GNAZ: variants seen among roughly 807,000 people sequenced by gnomAD.
The protein encoded by GNAZ is guanine nucleotide-binding protein G(z) subunit alpha.
In GNAZ, 3 loss-of-function variants were observed where a neutral mutation model predicts 25.4. The observed-to-expected ratio is 0.12, with a 90% CI of 0.05 to 0.30. The LOEUF is 0.30. Ranked by LOEUF, GNAZ falls within the 10% of genes least tolerant of loss-of-function variation. The pLI, the probability that GNAZ is intolerant of heterozygous loss-of-function variation, is 1.00. For missense variants in GNAZ, 241 were observed against 501.8 expected, an observed-to-expected ratio of 0.48 and a Z score of 4.97; for synonymous variants, 211 against 205.7, an observed-to-expected ratio of 1.03 and a Z score of -0.22.
chr22:23,091,553 TGCATACATGCACAC>T (rs2068977989), intron 1 of GNAZ, among the ~76,000 whole-genome samples: 1 of 150,640 alleles, frequency 6.6e-6, no homozygotes, highest in South Asian at 2.1e-4. Context: ...CAGGGAGCTA[TGCATACATGCACAC>T]GCACCGCAGT....
chr22:23,124,522 T>C lies in GNAZ; in HGVS notation c.*1091T>C. ...TCTGCTTTGTTTTTATTTAAGAAAA[T>C]AAACACGACATATTTAAAGAAGGTT... On this transcript the variant is annotated 3_prime_UTR_variant, in exon 3 of 3. Coordinates refer to ENST00000615612, the MANE Select transcript of GNAZ (RefSeq NM_002073.4). 6.1e-6 allele frequency: 2 copies of C among 329,564 alleles called. No homozygotes were observed. Among genetic ancestry groups the C allele is most frequent in the South Asian group, 4.5e-5 (2 of 44,592 alleles). 20.4% of individuals were successfully genotyped at this position (329,564 alleles called of 1,614,324 possible).
rs141492102 is a variant in GNAZ, at chr22:23,081,261, G to A, written c.-450+10691G>A. Among the ~76,000 whole-genome samples the A allele has an allele frequency of 1.0e-3, 159 of 152,270 alleles. 1 individual carries two copies. The highest frequency in any genetic ancestry group is 3.8e-3 in the African/African-American group (157 of 41,562). On this transcript the variant is annotated intron_variant, in intron 1 of 2. Transcript: ENST00000615612. The stretch of plus-strand genomic sequence containing the variant: ...AAAAAGTAAACGAGATGTCACGCAA[G>A]GTGTGCTGTGGTTTAAGCAAGAAGT...
At chr22:23,103,134 A>T (rs937689791) in intron 2 of GNAZ, among the ~76,000 whole-genome samples, 3 of 152,216 alleles carry the variant, frequency 2.0e-5, no homozygotes, top group African/African-American at 7.2e-5. Flanking sequence ...GTGAGGGGCT[A>T]GAGCTGGCTC....
At chr22:23,076,417 C>T (rs1390087562) in intron 1 of GNAZ, among the ~76,000 whole-genome samples, 1 of 152,210 alleles carries the variant, frequency 6.6e-6, no homozygotes, top group Admixed American at 6.5e-5. Flanking sequence ...TAGGGCTGAG[C>T]TGTGTGCTCG....
At chr22:23,080,737 G>T (rs1020859486) in intron 1 of GNAZ, among the ~76,000 whole-genome samples, 3 of 152,232 alleles carry the variant, frequency 2.0e-5, no homozygotes, top group African/African-American at 7.2e-5. Context: ...TTTCATGTGC[G>T]TATGCTCTCA....
intron 1 of GNAZ, among the ~76,000 whole-genome samples, chr22:23,090,360 C>T (rs2068936112): frequency 6.6e-6 from 1 of 152,164 alleles, no homozygotes; most frequent in Admixed American, 6.5e-5. Flanking sequence ...TCTTGCAGAG[C>T]CTCACTGCAT....
Position 23,096,533 on chromosome 22 carries a change from C to G in GNAZ, c.723+115C>G, listed in dbSNP as rs577491287. ...AGCCAGAAAGGGAACCAGGCGCAGG[C>G]CTGGCCCTGCTGCACGATAACTGAG... On this transcript the variant is annotated intron_variant, in intron 2 of 2. Coordinates refer to ENST00000615612, the MANE Select transcript of GNAZ (RefSeq NM_002073.4). The G allele has an allele frequency of 1.8e-5, 20 of 1,110,814 alleles. No individual in the cohort carries two copies. In the African/African-American group the frequency reaches 2.3e-4, roughly 13 times the overall value. 68.8% of individuals were successfully genotyped at this position (1,110,814 alleles called of 1,614,324 possible).
intron 1 of GNAZ, among the ~76,000 whole-genome samples, chr22:23,072,077 T>TGGGG (rs1396018972): frequency 2.1e-4 from 32 of 152,106 alleles, no homozygotes; most frequent in Non-Finnish European, 4.3e-4. Flanking sequence ...GGAGAAGAGC[T>TGGGG]AGCTTTAAAG....
chr22:23,112,104 C>T (rs1425002372), intron 2 of GNAZ, among the ~76,000 whole-genome samples: 4 of 152,206 alleles, frequency 2.6e-5, no homozygotes, highest in African/African-American at 9.6e-5. Context: ...GGCCAGAACA[C>T]AGGCACCCTC....
At position 23,123,698 on chromosome 22, in the gene GNAZ, G is replaced by C; in HGVS notation, c.*267G>C. The C allele has an allele frequency of 2.0e-6, 1 of 490,588 alleles. No individual in the cohort carries two copies. 30.4% of individuals were successfully genotyped at this position (490,588 alleles called of 1,614,324 possible). A position where few individuals can be genotyped will look rare whatever the true frequency, so the allele number is the denominator to read the frequency against. On this transcript the variant is annotated 3_prime_UTR_variant, in exon 3 of 3. Transcript: ENST00000615612. ...AAATGTCGAGGTCTCTTGAAGACTT[G>C]AGAAGCTGTCACAAGGTCACTACAA...
intron 2 of GNAZ, among the ~76,000 whole-genome samples, chr22:23,114,397 A>G (rs900816948): frequency 6.6e-6 from 1 of 151,882 alleles, no homozygotes; most frequent in Non-Finnish European, 1.5e-5. Flanking sequence ...CCCCGGCCCC[A>G]CCCTTCCCAG....
At chr22:23,094,712 G>C (rs1247511205) in intron 1 of GNAZ, among the ~76,000 whole-genome samples, 1 of 152,252 alleles carries the variant, frequency 6.6e-6, no homozygotes, top group Non-Finnish European at 1.5e-5. Flanking sequence ...GCCCATCAGA[G>C]TGCCCTCAAG....
At chr22:23,101,603 GA>G (rs1490657284) in intron 2 of GNAZ, among the ~76,000 whole-genome samples, 1 of 152,242 alleles carries the variant, frequency 6.6e-6, no homozygotes, top group Admixed American at 6.5e-5. Context: ...CTCCAAGCCA[GA>G]AGGCCTGCCG....
At chr22:23,112,852 A>T (rs991824437) in intron 2 of GNAZ, among the ~76,000 whole-genome samples, 3 of 152,274 alleles carry the variant, frequency 2.0e-5, no homozygotes, top group Non-Finnish European at 4.4e-5. Flanking sequence ...TGGACCCATC[A>T]GGAAGGCAGG....
chr22:23,079,502 T>C (rs2146266005), intron 1 of GNAZ, among the ~76,000 whole-genome samples: 1 of 152,170 alleles, frequency 6.6e-6, no homozygotes, highest in African/African-American at 2.4e-5. Flanking sequence ...AGGCCAGGCA[T>C]TGCACAGCCC....
rs191630148 is a variant in GNAZ at position 23,074,396 on chromosome 22, G to A, written c.-450+3826G>A. Among the ~76,000 whole-genome samples the A allele has an allele frequency of 2.1e-4, 32 of 152,300 alleles. No individual in the cohort carries two copies. The East Asian group carries it at 5.8e-3, about 28-fold the overall frequency. ...GCTTTTAAAGGACAGCTGCAGTTTT[G>A]GTCTGAACCAGTAGAAAGATGGAGC... On this transcript the variant is annotated intron_variant, in intron 1 of 2. Transcript: ENST00000615612.
chr22:23,082,377 A>T lies in GNAZ; in HGVS notation c.-450+11807A>T, dbSNP rs1475808926. ...CAGGCGCACACCACCACACCTGGCT[A>T]TTTTTTTTTTTTTTTTTTGTATCTT... is the stretch of plus-strand genomic sequence containing the variant. On this transcript the variant is annotated intron_variant, in intron 1 of 2. Coordinates refer to ENST00000615612, the MANE Select transcript of GNAZ (RefSeq NM_002073.4). Among the ~76,000 whole-genome samples the T allele has an allele frequency of 5.3e-3, 621 of 116,310 alleles. 3 individuals are homozygous for T. Among genetic ancestry groups the T allele is most frequent in the African/African-American group, 0.017 (521 of 30,522 alleles). The allele number at this position is 116,310 out of a possible 152,430, so 76.3% of individuals were successfully genotyped here.
chr22:23,118,653 A>T (rs2069922455), intron 2 of GNAZ, among the ~76,000 whole-genome samples: 1 of 152,180 alleles, frequency 6.6e-6, no homozygotes, highest in Admixed American at 6.5e-5. Context: ...CCCCCTTGCC[A>T]TGGGGTCATG....
chr22:23,082,360 C>T (rs1376041961), intron 1 of GNAZ, among the ~76,000 whole-genome samples: 1 of 148,656 alleles, frequency 6.7e-6, no homozygotes, highest in East Asian at 2.1e-4. Flanking sequence ...TACAGGCGCA[C>T]ACCACCACAC....
Sources: allele counts gnomAD v4.1 joint callset (sites outside exome capture counted in the v4.1 genomes callset), GRCh38; gene constraint gnomAD v4.1.1; transcripts MANE v1.5; gene names NCBI Gene and HGNC (gene_info 2026-07-23, HGNC 2026-07-21).